The following TPT1 variants were observed in gnomAD, a reference collection of about 807,000 sequenced individuals.
TPT1 encodes the protein translationally-controlled tumor protein.
TPT1 carries 5 observed loss-of-function variants against 22.8 expected under a neutral mutation model. The ratio of observed to expected loss-of-function variants is 0.22; its 90% CI spans 0.11 to 0.46. TPT1 has a LOEUF of 0.46. TPT1 is among the 20% of genes least tolerant of loss of function. TPT1 has a pLI of 0.99. For synonymous variants in TPT1, 89 were observed against 73.6 expected, an observed-to-expected ratio of 1.21 and a Z score of -1.07; for missense variants, 130 against 218.7, an observed-to-expected ratio of 0.59 and a Z score of 2.56.
At chr13:45,340,826 G>A in intron 1 of TPT1, 41 bp from the exon 2 acceptor site, 2 of 1,495,304 alleles carry the variant, frequency 1.3e-6, no homozygotes, top group South Asian at 1.4e-5. Context: ...TGCGCCTGGC[G>A]CCGCCATTTC....
rs959805288 is a variant in TPT1 at position 45,339,352 on chromosome 13, G to C, written c.399+145C>G. On this transcript the variant is annotated intron_variant, in intron 4 of 5. Coordinates refer to ENST00000530705, the MANE Select transcript of TPT1 (RefSeq NM_003295.4). ...CTGGGAAGCAAATTTTCAATCAGAA[G>C]ACAAGATTTGGAAACACCTGCGAGC... 3.1e-5 allele frequency: 18 copies of C among 583,780 alleles called. No homozygotes were observed. The South Asian group carries it at 5.7e-4, about 18-fold the overall frequency. 36.2% of individuals were successfully genotyped at this position (583,780 alleles called of 1,614,324 possible).
At chr13:45,338,867 C>T (rs1878891069) in intron 4 of TPT1, 91 bp from the exon 5 acceptor site, 2 of 1,119,146 alleles carry the variant, frequency 1.8e-6, no homozygotes, top group Non-Finnish European at 2.5e-6. Context: ...AAGGTTTAGA[C>T]CACCACAAAA....
intron 2 of TPT1, 97 bp downstream of exon 2, chr13:45,340,615 G>T: frequency 7.3e-7 from 1 of 1,368,352 alleles, no homozygotes; most frequent in Non-Finnish European, 1.0e-6. Context: ...TCCGCCAGGA[G>T]GCGGCGGGGA....
At position 45,341,083 on chromosome 13, in the gene TPT1, G is replaced by A. The variant is rs748682482; in HGVS notation, c.-14C>T. On this transcript the variant is annotated 5_prime_UTR_variant, in exon 1 of 6. Coordinates refer to ENST00000530705, the MANE Select transcript of TPT1 (RefSeq NM_003295.4). ...GTAGATAATCATGATGGCGACTGAAGGGAGACGACGACGGCGCTAGCTTAG... is the reference window on the plus strand; with the variant it reads ...GTAGATAATCATGATGGCGACTGAAAGGAGACGACGACGGCGCTAGCTTAG... 2.0e-5 allele frequency: 33 copies of A among 1,612,944 alleles called. No homozygotes were observed. Among genetic ancestry groups the A allele is most frequent in the Non-Finnish European group, 2.8e-5 (33 of 1,179,446 alleles).
At chr13:45,339,136 G>A in intron 4 of TPT1, 1 of 297,960 alleles carries the variant, frequency 3.4e-6, no homozygotes, top group Non-Finnish European at 6.2e-6. Flanking sequence ...CTTATGGCCA[G>A]GGGATGCATG....
chr13:45,341,038 T>C lies in TPT1; in HGVS notation c.28+4A>G. 3 of 1,612,642 alleles carry C rather than the reference T, an allele frequency of 1.9e-6. No individual in the cohort carries two copies. Among genetic ancestry groups the C allele is most frequent in the Non-Finnish European group, 2.5e-6 (3 of 1,179,228 alleles). The stretch of plus-strand genomic sequence containing the variant: ...GCAGTAAGGATAGTGCAGTGAGGAC[T>C]CACGGCTGATGAGGTCCCGGTAGAT... On this transcript the variant is annotated splice_donor_region_variant and intron_variant, in intron 1 of 5. Coordinates refer to ENST00000530705, the MANE Select transcript of TPT1 (RefSeq NM_003295.4).
rs1230653476 is a variant in TPT1 at position 45,340,803 on chromosome 13, C to G, written c.29-18G>C. ...CTCATCGTCTGCCGGATACACAGAG[C>G]CGCCCATCACCGTGCGCCTGGCGCC... On this transcript the variant is annotated intron_variant, in intron 1 of 5. Transcript: ENST00000530705. 6.6e-7 allele frequency: 1 copy of G among 1,509,376 alleles called. No homozygotes were observed. Among genetic ancestry groups the G allele is most frequent in the African/African-American group, 1.4e-5 (1 of 71,376 alleles). 93.5% of individuals were successfully genotyped at this position (1,509,376 alleles called of 1,614,324 possible).
At chr13:45,340,667 C>T in intron 2 of TPT1, 45 bp downstream of exon 2, 2 of 1,549,940 alleles carry the variant, frequency 1.3e-6, no homozygotes, top group Non-Finnish European at 1.7e-6. Flanking sequence ...GAAACCCGAG[C>T]CCGCTCGGCC....
rs1878507677 is a variant in TPT1, at chr13:45,333,681, C to T, written c.*3705G>A. Reference sequence around the variant, plus strand: ...TTCACACCTATTACTGAAGCAGATGCACACATAATAAAAAACCATGTACCT... The same window carrying T: ...TTCACACCTATTACTGAAGCAGATGTACACATAATAAAAAACCATGTACCT... On this transcript the variant is annotated 3_prime_UTR_variant, in exon 6 of 6. Transcript: ENST00000530705. 1 of 152,254 alleles carries T rather than the reference C, an allele frequency of 6.6e-6. No individual in the cohort carries two copies. Among genetic ancestry groups the T allele is most frequent in the South Asian group, 2.1e-4 (1 of 4,826 alleles). The allele number at this position is 152,254 out of a possible 1,614,324, so 9.4% of individuals were successfully genotyped here. A position where few individuals can be genotyped will look rare whatever the true frequency, so the allele number is the denominator to read the frequency against.
chr13:45,337,857 C>T (rs752535473), intron 5 of TPT1, among the ~76,000 whole-genome samples: 1 of 152,188 alleles, frequency 6.6e-6, no homozygotes, highest in Middle Eastern at 3.2e-3. Context: ...TGTTTCTGTA[C>T]AGCTTCCAGC....
In TPT1 at chr13:45,334,508, G is replaced by C. The variant is rs1024186026; in HGVS notation, c.*2878C>G. 2 of 152,042 alleles carry C rather than the reference G, an allele frequency of 1.3e-5. No homozygotes were observed. Among genetic ancestry groups the C allele is most frequent in the Non-Finnish European group, 2.9e-5 (2 of 68,034 alleles). 9.4% of individuals were successfully genotyped at this position (152,042 alleles called of 1,614,324 possible). ...ATCCAAAACTAACAAAACTAAACTC[G>C]ACTTCCCACCTCAGTGCCAACTTTC... is the stretch of plus-strand genomic sequence containing the variant. On this transcript the variant is annotated 3_prime_UTR_variant, in exon 6 of 6. Coordinates refer to ENST00000530705, the MANE Select transcript of TPT1 (RefSeq NM_003295.4).
intron 2 of TPT1, 78 bp from the exon 3 acceptor site, chr13:45,340,262 T>G: frequency 6.7e-7 from 1 of 1,485,376 alleles, no homozygotes; most frequent in Non-Finnish European, 9.2e-7. Flanking sequence ...AGTTCACGGA[T>G]AAGAAGTATT....
intron 3 of TPT1, 160 bp downstream of exon 3, chr13:45,339,834 C>T: frequency 2.4e-6 from 2 of 829,194 alleles, no homozygotes; most frequent in South Asian, 3.7e-5. Context: ...TCAGTATGCT[C>T]ATATTATAGA....
intron 4 of TPT1, 122 bp downstream of exon 4, chr13:45,339,375 A>G: frequency 1.4e-6 from 1 of 728,622 alleles, no homozygotes; most frequent in Non-Finnish European, 2.1e-6. Flanking sequence ...AACACCTGCG[A>G]GCTGGGAAAG....
At chr13:45,337,624 A>C in intron 5 of TPT1, 3 of 1,514,468 alleles carry the variant, frequency 2.0e-6, no homozygotes, top group Non-Finnish European at 2.7e-6. Flanking sequence ...CCCTTACCAA[A>C]TCAGCGGTAG....
At position 45,336,961 on chromosome 13, in the gene TPT1, T is replaced by C. The variant is rs1878742832; in HGVS notation, c.*425A>G. ...TGATGAAATGGGTAAGGCTCCACAC[T>C]TCAGATGTTGGCACTGCTATGAGCA... is the stretch of plus-strand genomic sequence containing the variant. On this transcript the variant is annotated 3_prime_UTR_variant, in exon 6 of 6. Transcript: ENST00000530705. The C allele has an allele frequency of 5.4e-6, 1 of 185,654 alleles. No homozygotes were observed. The highest frequency in any genetic ancestry group is 1.5e-4 in the East Asian group (1 of 6,518). 11.5% of individuals were successfully genotyped at this position (185,654 alleles called of 1,614,324 possible).
At position 45,335,196 on chromosome 13, in the gene TPT1, T is replaced by C. The variant is rs558146082; in HGVS notation, c.*2190A>G. On this transcript the variant is annotated 3_prime_UTR_variant, in exon 6 of 6. Coordinates refer to ENST00000530705, the MANE Select transcript of TPT1 (RefSeq NM_003295.4). Reference sequence around the variant, plus strand: ...GAAAAAGATATAAAATGAGACAGTCTTCAAAGTCTGAGAAGATTCTACCTG... The same window carrying C: ...GAAAAAGATATAAAATGAGACAGTCCTCAAAGTCTGAGAAGATTCTACCTG... 6 of 152,306 alleles carry C rather than the reference T, an allele frequency of 3.9e-5. No homozygotes were observed. Among genetic ancestry groups the C allele is most frequent in the Admixed American group, 3.3e-4 (5 of 15,288 alleles). 9.4% of individuals were successfully genotyped at this position (152,306 alleles called of 1,614,324 possible). A position where few individuals can be genotyped will look rare whatever the true frequency, so the allele number is the denominator to read the frequency against.
rs1566176350 is a variant in TPT1, at chr13:45,338,627, A to G, written c.516+33T>C. 7 of 1,600,426 alleles carry G rather than the reference A, an allele frequency of 4.4e-6. No homozygotes were observed. In the South Asian group the frequency reaches 4.6e-5, roughly 10 times the overall value. On this transcript the variant is annotated intron_variant, in intron 5 of 5. Transcript: ENST00000530705. ...ATCACATCTAAAATGTCTTTTTTAC[A>G]TTATTTATTTTAACCCACTTCCTTG...
At chr13:45,338,562 C>T (rs541733428) in intron 5 of TPT1, 98 bp downstream of exon 5, 63 of 1,507,138 alleles carry the variant, frequency 4.2e-5, no homozygotes, top group South Asian at 1.7e-4. Context: ...TGTTTCAGAA[C>T]GCTGTAAAAC....
Sources: allele counts gnomAD v4.1 joint callset (sites outside exome capture counted in the v4.1 genomes callset), GRCh38; gene constraint gnomAD v4.1.1; transcripts MANE v1.5; gene names NCBI Gene and HGNC (gene_info 2026-07-23, HGNC 2026-07-21).